KLHL8: variants seen among roughly 807,000 people sequenced by gnomAD.
The protein encoded by KLHL8 is kelch-like protein 8.
Under a neutral mutation model 63.5 loss-of-function variants are expected in KLHL8, and 38 were observed. The ratio of observed to expected loss-of-function variants is 0.60; its 90% CI spans 0.46 to 0.78. The LOEUF (loss-of-function observed/expected upper bound fraction) is 0.78. KLHL8 is among the 30% of genes least tolerant of loss of function. The pLI, the probability that KLHL8 is intolerant of heterozygous loss-of-function variation, is 0.00. For synonymous variants in KLHL8, 224 were observed against 254.3 expected (o/e 0.88, Z 1.13); for missense variants, 566 against 752.4 (o/e 0.75, Z 2.90).
At chr4:87,197,173 T>A (rs1015866313) in intron 1 of KLHL8, among the ~76,000 whole-genome samples, 49 of 106,360 alleles carry the variant, frequency 4.6e-4, no homozygotes, top group African/African-American at 1.4e-3. Context: ...CTTCATATAA[T>A]CCCCTTGCAT....
rs1379800944 is a variant in KLHL8 at position 87,161,097 on chromosome 4, G to A, written c.*2422C>T. ...TTCACTCTTGTTTCACCGCTGGAGTGCGATGGCTCAACCTCGGCTCATTGC... is the reference window on the plus strand; with the variant it reads ...TTCACTCTTGTTTCACCGCTGGAGTACGATGGCTCAACCTCGGCTCATTGC... On this transcript the variant is annotated 3_prime_UTR_variant, in exon 10 of 10. Coordinates refer to ENST00000273963, the MANE Select transcript of KLHL8 (RefSeq NM_020803.5). The A allele has an allele frequency of 1.5e-5, 2 of 136,982 alleles. No individual in the cohort carries two copies. The highest frequency in any genetic ancestry group is 3.0e-5 in the Non-Finnish European group (2 of 66,180). The allele number at this position is 136,982 out of a possible 1,614,324, so 8.5% of individuals were successfully genotyped here.
intron 5 of KLHL8, among the ~76,000 whole-genome samples, chr4:87,177,406 C>T (rs1343219262): frequency 4.6e-5 from 7 of 151,844 alleles, no homozygotes; most frequent in African/African-American, 1.7e-4. Context: ...ACTTGGGAGG[C>T]CGAGGCAGAA....
chr4:87,238,080 C>T (rs1025800502), intron 1 of KLHL8, among the ~76,000 whole-genome samples: 4 of 152,032 alleles, frequency 2.6e-5, no homozygotes, highest in South Asian at 2.1e-4. Flanking sequence ...GGATGACAGG[C>T]GTGCACAACC....
At position 87,170,454 on chromosome 4, in the gene KLHL8, G is replaced by A. The variant is rs755087098; in HGVS notation, c.1370C>T (p.Ala457Val). 4 of 1,598,798 alleles carry A rather than the reference G, an allele frequency of 2.5e-6. No individual in the cohort carries two copies. The highest frequency in any genetic ancestry group is 2.6e-6 in the Non-Finnish European group (3 of 1,175,816). Residue 457 changes from alanine (A) to valine (V), a missense_variant, in exon 7 of 10, where the codon GCT (alanine) becomes GTT (valine). Coordinates refer to ENST00000273963, the MANE Select transcript of KLHL8 (RefSeq NM_020803.5). ...NTPRGGVGSV[A>V]LVNHVYAVGG... is the part of the protein sequence containing the mutation. ...AGTTGCCATATAACTTACTACTAGA[G>A]CAACAGAGCCAACTCCTCCACGGGG...
chr4:87,195,480 C>A lies in KLHL8; in HGVS notation c.60G>T (p.Arg20Ser), dbSNP rs776064715. Residue 20 changes from arginine (R) to serine (S), a missense_variant, in exon 2 of 10, where the codon AGG (arginine) becomes AGT (serine). Physicochemically the swap from Arg to Ser is moderately radical, Grantham distance 110. Transcript: ENST00000273963. ...QARNHITKGK[R>S]QQQHQQIKNR... ...TCTTTATTTGCTGGTGCTGTTGTTGCCTTTTCCCCTTTGTAATGTGATTCC... is the reference window on the plus strand; with the variant it reads ...TCTTTATTTGCTGGTGCTGTTGTTGACTTTTCCCCTTTGTAATGTGATTCC... 6.2e-7 allele frequency: 1 copy of A among 1,613,846 alleles called. No individual in the cohort carries two copies. The highest frequency in any genetic ancestry group is 8.5e-7 in the Non-Finnish European group (1 of 1,179,932).
intron 1 of KLHL8, among the ~76,000 whole-genome samples, chr4:87,214,848 G>A (rs1191874416): frequency 1.3e-5 from 2 of 151,954 alleles, no homozygotes; most frequent in Non-Finnish European, 2.9e-5. Flanking sequence ...ACCCAGGCTG[G>A]AGTGCAGTGG....
At chr4:87,217,647 CTTTTTTTT>C (rs1216494811) in intron 1 of KLHL8, among the ~76,000 whole-genome samples, 2 of 128,386 alleles carry the variant, frequency 1.6e-5, no homozygotes, top group African/African-American at 5.7e-5. Flanking sequence ...AGCCTGGCCT[CTTTTTTTT>C]TTTTTTTTTT....
chr4:87,211,823 C>A (rs894671089), intron 1 of KLHL8, among the ~76,000 whole-genome samples: 1 of 152,128 alleles, frequency 6.6e-6, no homozygotes, highest in African/African-American at 2.4e-5. Flanking sequence ...ACTGGAAAGA[C>A]TGATTAGAGA....
upstream of KLHL8, among the ~76,000 whole-genome samples, chr4:87,223,135 T>TTTTGC (rs1732915503): frequency 6.6e-6 from 1 of 151,200 alleles, no homozygotes. Context: ...GTTTGTTTTG[T>TTTTGC]TTTGTTTTGT....
At chr4:87,182,954 C>T (rs1368793209) in intron 4 of KLHL8, among the ~76,000 whole-genome samples, 1 of 152,020 alleles carries the variant, frequency 6.6e-6, no homozygotes, top group Non-Finnish European at 1.5e-5. Context: ...GGAAAGATCT[C>T]AAAAGAAGAG....
intron 1 of KLHL8, among the ~76,000 whole-genome samples, chr4:87,217,248 AAAAAAAGACAT>A (rs1390416091): frequency 6.6e-6 from 1 of 152,136 alleles, no homozygotes; most frequent in Non-Finnish European, 1.5e-5. Context: ...TTCAGAAAAA[AAAAAAAGACAT>A]AGTCAAGTGA....
chr4:87,167,736 C>T, intron 8 of KLHL8: 1 of 340,700 alleles, frequency 2.9e-6, no homozygotes, highest in Admixed American at 3.5e-5. Context: ...GAGCTATGAT[C>T]CTGAGCTGAG....
intron 2 of KLHL8, among the ~76,000 whole-genome samples, chr4:87,188,308 CAT>C (rs964510620): frequency 6.6e-6 from 1 of 152,200 alleles, no homozygotes; most frequent in Non-Finnish European, 1.5e-5. Context: ...GTAAGTCTCA[CAT>C]GACTTAAACC....
At chr4:87,236,597 A>G (rs1037035398) in intron 1 of KLHL8, among the ~76,000 whole-genome samples, 6 of 151,154 alleles carry the variant, frequency 4.0e-5, no homozygotes, top group African/African-American at 1.2e-4. Context: ...TGAAAATTTC[A>G]TTACAGCCCA....
At chr4:87,190,509 T>G (rs971771218) in intron 2 of KLHL8, among the ~76,000 whole-genome samples, 5 of 151,916 alleles carry the variant, frequency 3.3e-5, no homozygotes, top group Non-Finnish European at 7.4e-5. Context: ...CTGAGCATGA[T>G]GGTGGGTGCC....
chr4:87,169,615 A>C (rs1421568228), intron 8 of KLHL8, among the ~76,000 whole-genome samples: 3 of 152,188 alleles, frequency 2.0e-5, no homozygotes, highest in African/African-American at 7.2e-5. Context: ...TAATCCCAGC[A>C]CTCTGGGAGG....
intron 8 of KLHL8, chr4:87,167,740 A>C (rs1431161415): frequency 3.0e-6 from 1 of 330,186 alleles, no homozygotes; most frequent in Non-Finnish European, 6.0e-6. Context: ...TATGATCCTG[A>C]GCTGAGGAGT....
intron 4 of KLHL8, among the ~76,000 whole-genome samples, chr4:87,180,675 C>A (rs1336647751): frequency 6.6e-6 from 1 of 152,170 alleles, no homozygotes; most frequent in Non-Finnish European, 1.5e-5. Flanking sequence ...TGAATGACTG[C>A]ATAAATGAAT....
At chr4:87,202,329 A>T (rs1035276041) in intron 1 of KLHL8, among the ~76,000 whole-genome samples, 1 of 152,198 alleles carries the variant, frequency 6.6e-6, no homozygotes, top group Non-Finnish European at 1.5e-5. Flanking sequence ...CATGTTGGCC[A>T]GGCTGGTCTC....
Sources: allele counts gnomAD v4.1 joint callset (sites outside exome capture counted in the v4.1 genomes callset), GRCh38; gene constraint gnomAD v4.1.1; transcripts MANE v1.5; gene names NCBI Gene and HGNC (gene_info 2026-07-23, HGNC 2026-07-21).